The following WDR33 variants were observed in gnomAD, a reference collection of about 807,000 sequenced individuals.
WDR33 encodes pre-mRNA 3' end processing protein WDR33.
WDR33 carries 47 observed loss-of-function variants against 164.9 expected under a neutral mutation model. That is an observed-to-expected ratio of 0.29 (90% confidence interval 0.23 to 0.36). The LOEUF (loss-of-function observed/expected upper bound fraction) is 0.36. WDR33 is among the 10% of genes least tolerant of loss of function. The probability of loss-of-function intolerance (pLI) is 1.00; values close to 1 mark genes in which losing one functional copy is unlikely to be tolerated. For synonymous variants in WDR33, 505 were observed against 589.0 expected, an observed-to-expected ratio of 0.86 and a Z score of 2.06; for missense variants, 1,137 against 1,754.1, an observed-to-expected ratio of 0.65 and a Z score of 6.28.
In WDR33 at chr2:127,717,220, C is replaced by T; in HGVS notation, c.2804G>A (p.Gly935Glu). The change falls in exon 17 of 22, where the codon GGG (glycine) becomes GAG (glutamate). Residue 935 changes from glycine (G) to glutamate (E), a missense_variant. This residue lies in a region of WDR33 where 867 missense variants were observed against 1,073.0 expected (regional missense o/e 0.81). Coordinates refer to ENST00000322313, the MANE Select transcript of WDR33 (RefSeq NM_018383.5). The surrounding 1 kb of genome is among the most constrained non-coding windows in gnomAD (Gnocchi z 5.6). ...TGPPPLIPGL[G>E]QQGAQGRIPP... ...AATGCGACCTTGTGCTCCCTGCTGC[C>T]CTAGGCCTGGTATCAGGGGTGGGGG... The T allele has an allele frequency of 1.2e-6, 2 of 1,608,006 alleles. No homozygotes were observed. Among genetic ancestry groups the T allele is most frequent in the South Asian group, 1.1e-5 (1 of 89,556 alleles).
rs1215708581 is a variant in WDR33, at chr2:127,708,326, A to T, written c.3781+351T>A. 6.6e-6 allele frequency among the ~76,000 whole-genome samples: 1 copy of T among 152,216 alleles called. No homozygotes were observed. Among genetic ancestry groups the T allele is most frequent in the African/African-American group, 2.4e-5 (1 of 41,456 alleles). On this transcript the variant is annotated intron_variant, in intron 21 of 21. Coordinates refer to ENST00000322313, the MANE Select transcript of WDR33 (RefSeq NM_018383.5). This position sits in a 1 kb window ranked among gnomAD's most constrained non-coding sequence, Gnocchi z 6.7. ...ACCAACAGACCACCCAGGAGAGGAC[A>T]ACTCTTCCCCTCCCACTGAGAGCCC...
Position 127,765,207 on chromosome 2 carries a change from A to G in WDR33, c.441T>C (p.Asn147=). The change falls in exon 5 of 22, where the codon AAT becomes AAC. Residue 147 remains asparagine, a synonymous_variant. Coordinates refer to ENST00000322313, the MANE Select transcript of WDR33 (RefSeq NM_018383.5). ...GASSGEFTLW[N]GLTFNFETIL... The stretch of plus-strand genomic sequence containing the variant: ...TTGTTTCAAAATTGAAAGTGAGTCC[A>G]TTCCACAGGGTAAACTCCCCACTAG... 6.2e-7 allele frequency: 1 copy of G among 1,614,184 alleles called. No homozygotes were observed. Among genetic ancestry groups the G allele is most frequent in the Non-Finnish European group, 8.5e-7 (1 of 1,180,036 alleles).
chr2:127,706,205 T>C lies in WDR33; in HGVS notation c.*118A>G. On this transcript the variant is annotated 3_prime_UTR_variant, in exon 22 of 22. Coordinates refer to ENST00000322313, the MANE Select transcript of WDR33 (RefSeq NM_018383.5). This position sits in a 1 kb window ranked among gnomAD's most constrained non-coding sequence, Gnocchi z 5.1. ...TCATTGAGGGTTCCTGGGATTCAGG[T>C]GCCCAGAAAAGAGTTCAGGGCTACA... 4.4e-6 allele frequency: 4 copies of C among 912,646 alleles called. No individual in the cohort carries two copies. In the Middle Eastern group the frequency reaches 1.5e-3, roughly 341 times the overall value. The allele number at this position is 912,646 out of a possible 1,614,324, so 56.5% of individuals were successfully genotyped here. A position where few individuals can be genotyped will look rare whatever the true frequency, so the allele number is the denominator to read the frequency against.
At chr2:127,788,699 C>T (rs1573464334) in intron 1 of WDR33, among the ~76,000 whole-genome samples, 1 of 147,190 alleles carries the variant, frequency 6.8e-6, no homozygotes, top group East Asian at 2.1e-4. Context: ...AGGTGGGGGG[C>T]TGACCCCCCC....
Position 127,714,121 on chromosome 2 carries a change from G to A in WDR33, c.2870-100C>T. The A allele has an allele frequency of 1.6e-6, 2 of 1,264,718 alleles. No individual in the cohort carries two copies. The highest frequency in any genetic ancestry group is 2.1e-6 in the Non-Finnish European group (2 of 961,202). The allele number at this position is 1,264,718 out of a possible 1,614,324, so 78.3% of individuals were successfully genotyped here. ...TACATTTCAGAATACATTCTTTATT[G>A]AGAATGTTTTCCCTCCTTGGTTCTC... On this transcript the variant is annotated intron_variant, in intron 17 of 21. Transcript: ENST00000322313. This position sits in a 1 kb window ranked among gnomAD's most constrained non-coding sequence, Gnocchi z 4.3.
chr2:127,750,894 T>C (rs1442565834), intron 7 of WDR33, among the ~76,000 whole-genome samples: 1 of 150,970 alleles, frequency 6.6e-6, no homozygotes, highest in Admixed American at 6.6e-5. Flanking sequence ...TATTTTACAG[T>C]AATTGATTTA....
At chr2:127,807,154 G>T (rs917914090) in intron 1 of WDR33, among the ~76,000 whole-genome samples, 4 of 152,102 alleles carry the variant, frequency 2.6e-5, no homozygotes, top group Admixed American at 2.6e-4. Flanking sequence ...ACAGGAATGT[G>T]CCACCACGCC....
Position 127,717,397 on chromosome 2 carries a change from T to A in WDR33, c.2761-134A>T. The A allele has an allele frequency of 4.3e-6, 3 of 705,400 alleles. No homozygotes were observed. The highest frequency in any genetic ancestry group is 6.4e-6 in the Non-Finnish European group (3 of 469,526). 43.7% of individuals were successfully genotyped at this position (705,400 alleles called of 1,614,324 possible). ...AGTAAGATTACAGTAACATTGTCCT[T>A]AAATCAGGAGAAAGGAGATACTTCT... is the stretch of plus-strand genomic sequence containing the variant. On this transcript the variant is annotated intron_variant, in intron 16 of 21. Coordinates refer to ENST00000322313, the MANE Select transcript of WDR33 (RefSeq NM_018383.5). This position sits in a 1 kb window ranked among gnomAD's most constrained non-coding sequence, Gnocchi z 5.6.
At chr2:127,725,833 G>A (rs1686559688) in intron 8 of WDR33, among the ~76,000 whole-genome samples, 1 of 151,856 alleles carries the variant, frequency 6.6e-6, no homozygotes, top group Non-Finnish European at 1.5e-5. Context: ...AGCAGGGGAA[G>A]CACATGAACA....
In WDR33 at chr2:127,770,691, C is replaced by CT. The variant is rs1558946946; in HGVS notation, c.204+86_204+87insA. 24 of 767,610 alleles carry CT rather than the reference C, an allele frequency of 3.1e-5. No individual in the cohort carries two copies. The African/African-American group carries it at 5.4e-4, about 17-fold the overall frequency. 47.5% of individuals were successfully genotyped at this position (767,610 alleles called of 1,614,324 possible). ...GGGCAACAAGAAAGAAACTCCATCT[C>CT]AAAATAAATAAATAAATAAATAAAT... On this transcript the variant is annotated intron_variant, in intron 2 of 21. Coordinates refer to ENST00000322313, the MANE Select transcript of WDR33 (RefSeq NM_018383.5). This position sits in a 1 kb window ranked among gnomAD's most constrained non-coding sequence, Gnocchi z 4.9.
At chr2:127,804,992 C>T (rs750547520) in intron 1 of WDR33, among the ~76,000 whole-genome samples, 10 of 151,848 alleles carry the variant, frequency 6.6e-5, no homozygotes, top group African/African-American at 1.5e-4. Flanking sequence ...GCAGTCCCTA[C>T]CACCTTATTG....
chr2:127,725,292 G>A (rs757123413), intron 8 of WDR33, 77 bp from the exon 9 acceptor site: 3 of 1,421,162 alleles, frequency 2.1e-6, no homozygotes, highest in Non-Finnish European at 2.8e-6. Context: ...GTTGAAAAGC[G>A]AATTAATCAA....
intron 1 of WDR33, among the ~76,000 whole-genome samples, chr2:127,795,091 C>A (rs1573474109): frequency 6.9e-6 from 1 of 145,208 alleles, no homozygotes; most frequent in South Asian, 2.2e-4. Context: ...AGTTATGAAG[C>A]AATAACTTCT....
At chr2:127,711,780 A>ATTTTTTTTTTTTTTTTTTTTTT (rs1158780905) in intron 18 of WDR33, among the ~76,000 whole-genome samples, 2 of 88,316 alleles carry the variant, frequency 2.3e-5, no homozygotes, top group African/African-American at 6.5e-5. Flanking sequence ...ATATATATAT[A>ATTTTTTTTTTTTTTTTTTTTTT]TTTTTTTTTT....
rs1035074564 is a variant in WDR33, at chr2:127,703,748, A to G, written c.*2575T>C. ...TCCCCTAAATTTCTGTTCTAGTTTT[A>G]AATTTCTCTAGAACTTGCAATAGTT... On this transcript the variant is annotated 3_prime_UTR_variant, in exon 22 of 22. Transcript: ENST00000322313. The G allele has an allele frequency of 6.0e-6, 1 of 167,076 alleles. No homozygotes were observed. Among genetic ancestry groups the G allele is most frequent in the Admixed American group, 6.5e-5 (1 of 15,278 alleles). 10.3% of individuals were successfully genotyped at this position (167,076 alleles called of 1,614,324 possible). A position where few individuals can be genotyped will look rare whatever the true frequency, so the allele number is the denominator to read the frequency against.
At position 127,762,989 on chromosome 2, in the gene WDR33, T is replaced by C. The variant is rs1024151504; in HGVS notation, c.724+73A>G. 5.6e-6 allele frequency: 9 copies of C among 1,607,022 alleles called. No individual in the cohort carries two copies. In the African/African-American group the frequency reaches 9.4e-5, roughly 17 times the overall value. On this transcript the variant is annotated intron_variant, in intron 7 of 21. Transcript: ENST00000322313. ...TGAATGGAGGTGTAAGCCAGTATTG[T>C]GGTTTTGTGATGATTTAACCACAAA...
Position 127,726,578 on chromosome 2 carries a change from A to T in WDR33, c.851+73T>A. 1 of 1,559,680 alleles carries T rather than the reference A, an allele frequency of 6.4e-7. No homozygotes were observed. Among genetic ancestry groups the T allele is most frequent in the Non-Finnish European group, 8.7e-7 (1 of 1,155,810 alleles). ...TTCCAGAAATACATAAGAGAAAACA[A>T]AGCTAAAAGTTAAAGGACACACTGC... is the stretch of plus-strand genomic sequence containing the variant. On this transcript the variant is annotated intron_variant, in intron 8 of 21. Transcript: ENST00000322313. The surrounding 1 kb of genome is among the most constrained non-coding windows in gnomAD (Gnocchi z 4.8).
chr2:127,780,121 C>A (rs1319198409), intron 1 of WDR33, among the ~76,000 whole-genome samples: 1 of 152,002 alleles, frequency 6.6e-6, no homozygotes, highest in Non-Finnish European at 1.5e-5. Context: ...ATACAGGCCC[C>A]CGCCACCACG....
At position 127,764,791 on chromosome 2, in the gene WDR33, A is replaced by G. The variant is rs563801364; in HGVS notation, c.626+37T>C. ...ACTTAGAGAATAATTTAACCATGAC[A>G]ATAGGGACTACAGAAAATGGTATAT... is the stretch of plus-strand genomic sequence containing the variant. On this transcript the variant is annotated intron_variant, in intron 6 of 21. Transcript: ENST00000322313. This position sits in a 1 kb window ranked among gnomAD's most constrained non-coding sequence, Gnocchi z 6.2. 9 of 1,614,192 alleles carry G rather than the reference A, an allele frequency of 5.6e-6. No individual in the cohort carries two copies. In the South Asian group the frequency reaches 7.7e-5, roughly 14 times the overall value.
Sources: allele counts gnomAD v4.1 joint callset (sites outside exome capture counted in the v4.1 genomes callset), GRCh38; gene constraint gnomAD v4.1.1; regional missense constraint gnomAD v4.1.1; non-coding constraint Gnocchi (gnomAD v3.1); transcripts MANE v1.5; gene names NCBI Gene and HGNC (gene_info 2026-07-23, HGNC 2026-07-21).